Variants in TTC7A observed in about 807,000 individuals in gnomAD.
TTC7A encodes tetratricopeptide repeat protein 7A.
Under a neutral mutation model 103.7 loss-of-function variants are expected in TTC7A, and 110 were observed. The ratio of observed to expected loss-of-function variants is 1.06; its 90% CI spans 0.91 to 1.24. The LOEUF is 1.24. Ranked by LOEUF, TTC7A falls within the 50% of genes most tolerant of loss-of-function variation. The pLI is 0.00. For synonymous variants in TTC7A, 521 were observed against 467.9 expected, an observed-to-expected ratio of 1.11 and a Z score of -1.47; for missense variants, 1,340 against 1,116.3, an observed-to-expected ratio of 1.20 and a Z score of -2.86.
intron 2 of TTC7A, among the ~76,000 whole-genome samples, chr2:46,936,164 T>C (rs1669966875): frequency 6.6e-6 from 1 of 152,242 alleles, no homozygotes; most frequent in Non-Finnish European, 1.5e-5. Context: ...TTATTTTCTC[T>C]TCTACCAATA....
intron 16 of TTC7A, among the ~76,000 whole-genome samples, chr2:47,048,332 G>A (rs574667567): frequency 6.6e-6 from 1 of 152,274 alleles, no homozygotes; most frequent in South Asian, 2.1e-4. Flanking sequence ...TGGACTCTTT[G>A]TGGAGCCCTA....
chr2:46,971,269 C>T (rs1028744493), intron 3 of TTC7A, among the ~76,000 whole-genome samples: 4 of 152,088 alleles, frequency 2.6e-5, no homozygotes, highest in African/African-American at 9.7e-5. Flanking sequence ...TTTGGTTATA[C>T]CAGGGAATAT....
At chr2:47,062,535 C>A (rs2104787300) in intron 19 of TTC7A, among the ~76,000 whole-genome samples, 1 of 152,322 alleles carries the variant, frequency 6.6e-6, no homozygotes. Context: ...CGCCAGAGGT[C>A]ACATCCAGAA....
Position 47,050,046 on chromosome 2 carries a change from G to A in TTC7A, c.2017G>A (p.Gly673Ser), listed in dbSNP as rs1317244338. 2 of 1,612,932 alleles carry A rather than the reference G, an allele frequency of 1.2e-6. No individual in the cohort carries two copies. Among genetic ancestry groups the A allele is most frequent in the African/African-American group, 2.7e-5 (2 of 74,920 alleles). ...TLPDAHDADS[G>S]SRRASSIAAS... ...GCCTGATGCCCATGATGCAGACTCT[G>A]GTAAGAACGAGCTCCTTGGGCCACT... Residue 673 changes from glycine to serine, a missense_variant and splice_region_variant, in exon 17 of 20, where the codon GGC (glycine) becomes AGC (serine). Gly to Ser is a moderately conservative substitution (Grantham distance 56). Coordinates refer to ENST00000319190, the MANE Select transcript of TTC7A (RefSeq NM_020458.4).
chr2:47,073,311 AACCTC>A (rs1684931830), intron 19 of TTC7A, among the ~76,000 whole-genome samples: 1 of 152,072 alleles, frequency 6.6e-6, no homozygotes, highest in Non-Finnish European at 1.5e-5. Flanking sequence ...GACTCCTTTC[AACCTC>A]ACCGCGCTCT....
chr2:47,060,114 G>A (rs1030723293), intron 18 of TTC7A, among the ~76,000 whole-genome samples: 15 of 151,944 alleles, frequency 9.9e-5, no homozygotes, highest in South Asian at 4.2e-4. Context: ...GGCCAGGCAC[G>A]GTGGCTCACG....
chr2:46,963,037 C>T (rs528246625), intron 3 of TTC7A, among the ~76,000 whole-genome samples: 46 of 152,352 alleles, frequency 3.0e-4, no homozygotes, highest in African/African-American at 1.1e-3. Context: ...GTCTGTCGCT[C>T]AGCAGCAGGC....
At chr2:47,037,866 G>T (rs552545323) in intron 15 of TTC7A, among the ~76,000 whole-genome samples, 1 of 152,302 alleles carries the variant, frequency 6.6e-6, no homozygotes, top group East Asian at 1.9e-4. Context: ...TTTCTGAAGT[G>T]CCAGCCCCTG....
At chr2:47,047,424 G>A (rs142998442) in intron 16 of TTC7A, 11 of 835,344 alleles carry the variant, frequency 1.3e-5, no homozygotes, top group South Asian at 5.0e-5. Context: ...ACCAGTGGGC[G>A]GAAGCTGCCA....
intron 3 of TTC7A, among the ~76,000 whole-genome samples, chr2:46,967,652 G>T (rs1301835993): frequency 6.6e-6 from 1 of 152,068 alleles, no homozygotes; most frequent in Non-Finnish European, 1.5e-5. Context: ...TTGTTTATGT[G>T]TTCATCTGTC....
chr2:47,054,401 C>T (rs1683145553), intron 18 of TTC7A, among the ~76,000 whole-genome samples: 1 of 152,160 alleles, frequency 6.6e-6, no homozygotes. Context: ...AAAGGCACCC[C>T]CTTCCCTATA....
At chr2:47,003,149 C>T (rs1572874496) in intron 8 of TTC7A, among the ~76,000 whole-genome samples, 1 of 152,322 alleles carries the variant, frequency 6.6e-6, no homozygotes, top group East Asian at 1.9e-4. Context: ...GAGGTTTCCA[C>T]TCCAGGCCCA....
chr2:46,978,793 C>G lies in TTC7A; in HGVS notation c.650C>G (p.Thr217Ser), dbSNP rs372046395. The G allele has an allele frequency of 2.5e-6, 4 of 1,613,424 alleles. No individual in the cohort carries two copies. The highest frequency in any genetic ancestry group is 2.2e-5 in the East Asian group (1 of 44,864). Residue 217 changes from threonine to serine, a missense_variant and splice_region_variant, in exon 5 of 20, where the codon ACC becomes AGC. Coordinates refer to ENST00000319190, the MANE Select transcript of TTC7A (RefSeq NM_020458.4). Reference sequence around the variant, plus strand: ...CTCTCTCTCTGTTTCCCTTCCCAGACCACAAATAACAGCACGTCGAGGCAT... The same window carrying G: ...CTCTCTCTCTGTTTCCCTTCCCAGAGCACAAATAACAGCACGTCGAGGCAT... ...AQVFLQELEK[T>S]TNNSTSRHLK...
intron 2 of TTC7A, among the ~76,000 whole-genome samples, chr2:46,953,807 C>G (rs1014415310): frequency 6.7e-6 from 1 of 149,956 alleles, no homozygotes; most frequent in African/African-American, 2.5e-5. Flanking sequence ...ATTTCTTTTT[C>G]TTTCTTTCTT....
intron 8 of TTC7A, chr2:46,999,503 G>T: frequency 1.0e-6 from 1 of 985,338 alleles, no homozygotes; most frequent in Non-Finnish European, 1.2e-6. Flanking sequence ...CAGCATGCGG[G>T]ACCATGCTCA....
chr2:47,034,638 C>G (rs540099801), intron 15 of TTC7A, among the ~76,000 whole-genome samples: 1 of 152,294 alleles, frequency 6.6e-6, no homozygotes, highest in Non-Finnish European at 1.5e-5. Context: ...CGTCCCAGGC[C>G]TGGCAGTCTG....
rs930568672 is a variant in TTC7A, at chr2:47,073,956, C to T, written c.*33C>T. 4.4e-6 allele frequency: 7 copies of T among 1,573,196 alleles called. No individual in the cohort carries two copies. In the African/African-American group the frequency reaches 8.1e-5, roughly 18 times the overall value. On this transcript the variant is annotated 3_prime_UTR_variant, in exon 20 of 20. Coordinates refer to ENST00000319190, the MANE Select transcript of TTC7A (RefSeq NM_020458.4). ...GCAGCCGCAGGGAGGGAGGGGCTGGCCAGAGGGAGAGGCAGCAGGGAACGT... is the reference window on the plus strand; with the variant it reads ...GCAGCCGCAGGGAGGGAGGGGCTGGTCAGAGGGAGAGGCAGCAGGGAACGT...
intron 15 of TTC7A, among the ~76,000 whole-genome samples, chr2:47,038,193 A>T (rs1016863705): frequency 2.0e-5 from 3 of 149,432 alleles, no homozygotes; most frequent in African/African-American, 7.5e-5. Flanking sequence ...CAGGAGGTGG[A>T]GGTTGCAGTG....
intron 2 of TTC7A, among the ~76,000 whole-genome samples, chr2:46,926,797 A>G (rs1669406471): frequency 6.6e-6 from 1 of 152,190 alleles, no homozygotes; most frequent in South Asian, 2.1e-4. Context: ...CAATCAACGG[A>G]CCTCCACAGC....
Sources: gnomAD v4.1 joint callset for allele counts (sites outside exome capture counted in the v4.1 genomes callset) on GRCh38, gnomAD v4.1.1 for gene constraint, MANE v1.5 for transcripts, NCBI Gene and HGNC (gene_info 2026-07-23, HGNC 2026-07-21) for gene names.